PRKG1: variants seen among roughly 807,000 people sequenced by gnomAD.
The protein encoded by PRKG1 is cGMP-dependent protein kinase 1.
PRKG1 carries 35 observed loss-of-function variants against 88.1 expected under a neutral mutation model. That is an observed-to-expected ratio of 0.40 (90% CI 0.30 to 0.53). The LOEUF is 0.53. PRKG1 is among the 20% of genes least tolerant of loss of function. PRKG1 has a pLI of 0.59. For missense variants in PRKG1, 540 were observed against 839.8 expected (o/e 0.64, Z 4.41); for synonymous variants, 303 against 292.5 (o/e 1.04, Z -0.37).
intron 1 of PRKG1, among the ~76,000 whole-genome samples, chr10:51,103,055 G>A (rs1005416253): frequency 2.0e-5 from 3 of 151,944 alleles, no homozygotes; most frequent in African/African-American, 2.4e-5. Context: ...AAATATTATA[G>A]CAGAGTGAAA....
chr10:51,653,573 T>C (rs1295665847), intron 3 of PRKG1, among the ~76,000 whole-genome samples: 3 of 152,218 alleles, frequency 2.0e-5, no homozygotes, highest in African/African-American at 7.2e-5. Context: ...TTTTTTTCTT[T>C]CTTTTTTTTC....
chr10:51,908,369 G>C (rs1340500262), intron 5 of PRKG1: 1 of 152,152 alleles, frequency 6.6e-6, no homozygotes, highest in Non-Finnish European at 1.5e-5. Flanking sequence ...ATGTCATACA[G>C]GAATAGTGTA....
At chr10:51,901,806 G>T (rs908010756) in intron 4 of PRKG1, among the ~76,000 whole-genome samples, 2 of 152,120 alleles carry the variant, frequency 1.3e-5, no homozygotes, top group Non-Finnish European at 2.9e-5. Context: ...TATACCATGA[G>T]AGAAAGATAG....
chr10:51,801,686 G>A (rs1589298712), intron 3 of PRKG1, among the ~76,000 whole-genome samples: 1 of 152,126 alleles, frequency 6.6e-6, no homozygotes. Flanking sequence ...ATCCAGATTT[G>A]TGGTCTCTTA....
intron 5 of PRKG1, among the ~76,000 whole-genome samples, chr10:52,018,339 G>A (rs1176089470): frequency 1.3e-5 from 2 of 152,142 alleles, no homozygotes; most frequent in South Asian, 4.1e-4. Flanking sequence ...CATGTTCATG[G>A]ACACCATGAC....
At chr10:52,195,933 G>A (rs1160474182) in intron 9 of PRKG1, among the ~76,000 whole-genome samples, 4 of 152,116 alleles carry the variant, frequency 2.6e-5, no homozygotes, top group Non-Finnish European at 1.5e-5. Flanking sequence ...TGGTTCAAAT[G>A]AGAACTGAAA....
chr10:51,681,443 T>C (rs1394286482), intron 3 of PRKG1, among the ~76,000 whole-genome samples: 1 of 152,174 alleles, frequency 6.6e-6, no homozygotes, highest in Non-Finnish European at 1.5e-5. Context: ...ACATGACTAT[T>C]TCTACATAAA....
intron 5 of PRKG1, among the ~76,000 whole-genome samples, chr10:51,918,847 A>AT (rs11316175): frequency 9.2e-5 from 14 of 151,540 alleles, no homozygotes; most frequent in African/African-American, 1.9e-4. Flanking sequence ...ATTTTCAACT[A>AT]TTTTTTTTTC....
intron 3 of PRKG1, among the ~76,000 whole-genome samples, chr10:51,584,863 CA>C (rs1168696785): frequency 6.6e-6 from 1 of 151,968 alleles, no homozygotes; most frequent in Non-Finnish European, 1.5e-5. Context: ...TATAACCTAC[CA>C]GTTAAAACAA....
intron 3 of PRKG1, among the ~76,000 whole-genome samples, chr10:51,631,904 T>G (rs1481479625): frequency 6.6e-6 from 1 of 152,142 alleles, no homozygotes; most frequent in East Asian, 1.9e-4. Context: ...GGCCCAGGAA[T>G]AGAGGACCCC....
intron 9 of PRKG1, among the ~76,000 whole-genome samples, chr10:52,194,277 T>A (rs371099751): frequency 9.9e-5 from 15 of 152,184 alleles, no homozygotes; most frequent in East Asian, 3.8e-4. Flanking sequence ...GCACATATTC[T>A]TATCTGTCTA....
Position 51,670,737 on chromosome 10 carries a change from AAAAAAAATAAAT to A in PRKG1, c.593-133844_593-133833del, listed in dbSNP as rs1382643011. 3.0e-3 allele frequency among the ~76,000 whole-genome samples: 363 copies of A among 119,376 alleles called. 6 individuals are homozygous for A. The highest frequency in any genetic ancestry group is 8.9e-3 in the African/African-American group (297 of 33,472). The allele number at this position is 119,376 out of a possible 152,430, so 78.3% of individuals were successfully genotyped here. ...GGCGACAGAGCGAGACTCCGTCTCA[AAAAAAAATAAAT>A]AAATAAATAAATAAATAAATAAATA... On this transcript the variant is annotated intron_variant, in intron 3 of 17. Coordinates refer to ENST00000373980, the MANE Select transcript of PRKG1 (RefSeq NM_006258.4).
intron 3 of PRKG1, among the ~76,000 whole-genome samples, chr10:51,676,877 A>C (rs2132359186): frequency 6.6e-6 from 1 of 152,346 alleles, no homozygotes; most frequent in East Asian, 1.9e-4. Context: ...ATCCTGAAAG[A>C]AATGAGCTTC....
intron 3 of PRKG1, among the ~76,000 whole-genome samples, chr10:51,676,398 G>A (rs936186966): frequency 6.8e-6 from 1 of 147,872 alleles, no homozygotes; most frequent in Non-Finnish European, 1.5e-5. Flanking sequence ...AAATTTATGA[G>A]CATGTTAAGA....
At chr10:51,326,687 T>C (rs1841601981) in intron 2 of PRKG1, among the ~76,000 whole-genome samples, 1 of 152,224 alleles carries the variant, frequency 6.6e-6, no homozygotes, top group Non-Finnish European at 1.5e-5. Context: ...GATTTCTTTA[T>C]CATAAATACA....
chr10:51,426,971 A>C (rs1254022214), intron 2 of PRKG1, among the ~76,000 whole-genome samples: 3 of 151,778 alleles, frequency 2.0e-5, no homozygotes, highest in Non-Finnish European at 4.4e-5. Context: ...ACTTAATCTC[A>C]AGGTTTGTCT....
chr10:51,362,651 T>C (rs967403468), intron 2 of PRKG1, among the ~76,000 whole-genome samples: 2 of 151,910 alleles, frequency 1.3e-5, no homozygotes, highest in African/African-American at 4.8e-5. Context: ...TATTATACTT[T>C]AAGTTCTGAG....
At chr10:51,955,162 G>A (rs1019559940) in intron 5 of PRKG1, among the ~76,000 whole-genome samples, 1 of 152,026 alleles carries the variant, frequency 6.6e-6, no homozygotes, top group Admixed American at 6.6e-5. Context: ...GCAGTATCCA[G>A]ATTTGTACCA....
chr10:52,078,693 C>A (rs892374350), intron 7 of PRKG1, among the ~76,000 whole-genome samples: 1 of 152,214 alleles, frequency 6.6e-6, no homozygotes, highest in African/African-American at 2.4e-5. Context: ...CTAGCAACAA[C>A]AATTTCATTA....
Sources: allele counts gnomAD v4.1 joint callset (sites outside exome capture counted in the v4.1 genomes callset), GRCh38; gene constraint gnomAD v4.1.1; transcripts MANE v1.5; gene names NCBI Gene and HGNC (gene_info 2026-07-23, HGNC 2026-07-21).